Variants in MTFR2 observed in about 807,000 individuals in gnomAD.
MTFR2 encodes DUF729 domain-containing protein 1.
MTFR2 carries 44 observed loss-of-function variants against 41.2 expected under a neutral mutation model. That is an observed-to-expected ratio of 1.07 (90% CI 0.84 to 1.37). The LOEUF is 1.37. MTFR2 is among the 40% of genes most tolerant of loss of function. MTFR2 has a pLI of 0.00. For missense variants in MTFR2, 452 were observed against 459.5 expected, an observed-to-expected ratio of 0.98 and a Z score of 0.15; for synonymous variants, 141 against 154.6, an observed-to-expected ratio of 0.91 and a Z score of 0.65.
At position 136,233,646 on chromosome 6, in the gene MTFR2, C is replaced by T. The variant is rs192735715; in HGVS notation, c.870-147G>A. ...AATAATCTAATCTTCAAGAAATTTT[C>T]GCAATGAAATAAGGAAGGCACAATG... On this transcript the variant is annotated intron_variant, in intron 6 of 7. Coordinates refer to ENST00000420702, the MANE Select transcript of MTFR2 (RefSeq NM_001099286.3). 1.5e-4 allele frequency: 100 copies of T among 647,294 alleles called. 1 individual carries two copies. Among genetic ancestry groups the T allele is most frequent in the African/African-American group, 3.5e-4 (19 of 53,544 alleles). The allele number at this position is 647,294 out of a possible 1,614,324, so 40.1% of individuals were successfully genotyped here.
chr6:136,241,389 A>T, intron 5 of MTFR2, 55 bp downstream of exon 5: 1 of 1,438,744 alleles, frequency 7.0e-7, no homozygotes, highest in South Asian at 1.2e-5. Flanking sequence ...ACAGGTTGGT[A>T]TAGGCTATAC....
At chr6:136,240,038 C>T (rs1020226858) in intron 5 of MTFR2, among the ~76,000 whole-genome samples, 9 of 151,692 alleles carry the variant, frequency 5.9e-5, no homozygotes, top group African/African-American at 1.7e-4. Context: ...CAGTGTAGGT[C>T]CAAGAGCAGA....
chr6:136,239,111 C>A (rs951312420), intron 6 of MTFR2, among the ~76,000 whole-genome samples: 2 of 152,142 alleles, frequency 1.3e-5, no homozygotes, highest in African/African-American at 4.8e-5. Flanking sequence ...ATTCTGAATA[C>A]TCATTTAACT....
chr6:136,239,741 T>G lies in MTFR2; in HGVS notation c.594A>C (p.Pro198=), dbSNP rs2128457985. The G allele has an allele frequency of 6.2e-7, 1 of 1,614,072 alleles. No homozygotes were observed. Among genetic ancestry groups the G allele is most frequent in the East Asian group, 2.2e-5 (1 of 44,876 alleles). Residue 198 remains proline (P), a synonymous_variant, in exon 6 of 8, where the codon CCA becomes CCC. Coordinates refer to ENST00000420702, the MANE Select transcript of MTFR2 (RefSeq NM_001099286.3). ...SSRAAHLSVD[P]DQLPGSVLSP... ...AAAGCACTGAACCTGGAAGCTGATCTGGGTCCACACTCAGATGGGCAGCCC... is the reference window on the plus strand; with the variant it reads ...AAAGCACTGAACCTGGAAGCTGATCGGGGTCCACACTCAGATGGGCAGCCC...
intron 1 of MTFR2, among the ~76,000 whole-genome samples, chr6:136,249,394 T>C (rs923584552): frequency 2.6e-5 from 4 of 152,184 alleles, no homozygotes; most frequent in African/African-American, 9.7e-5. Context: ...GCCTAGTTAA[T>C]AGAGACCAAT....
intron 2 of MTFR2, among the ~76,000 whole-genome samples, chr6:136,247,732 A>G (rs1780251127): frequency 6.6e-6 from 1 of 152,202 alleles, no homozygotes; most frequent in South Asian, 2.1e-4. Context: ...GAAATTCTTA[A>G]GGTCACCAAT....
At chr6:136,247,609 G>A in intron 2 of MTFR2, 1 of 442,702 alleles carries the variant, frequency 2.3e-6, no homozygotes, top group Non-Finnish European at 4.5e-6. Flanking sequence ...TCAGGCTGAT[G>A]GCCTCTCTCA....
At position 136,245,817 on chromosome 6, in the gene MTFR2, G is replaced by A. The variant is rs117202491; in HGVS notation, c.64-948C>T. Among the ~76,000 whole-genome samples, 1,216 of 152,230 alleles carry A rather than the reference G, an allele frequency of 8.0e-3. 9 individuals are homozygous for A. The highest frequency in any genetic ancestry group is 0.013 in the Non-Finnish European group (903 of 68,006). On this transcript the variant is annotated intron_variant, in intron 2 of 7. Coordinates refer to ENST00000420702, the MANE Select transcript of MTFR2 (RefSeq NM_001099286.3). The stretch of plus-strand genomic sequence containing the variant: ...TTCAGGTTTTGAGTGATGCTCAACC[G>A]ATAATATTTTTAAATTGCTAAGATT...
At chr6:136,237,352 GA>G (rs1180255158) in intron 6 of MTFR2, among the ~76,000 whole-genome samples, 1 of 152,046 alleles carries the variant, frequency 6.6e-6, no homozygotes, top group Admixed American at 6.5e-5. Flanking sequence ...TAAAGATAGA[GA>G]TCAAAGCTAA....
chr6:136,249,835 A>T (rs1780317396), intron 1 of MTFR2, 141 bp downstream of exon 1: 1 of 152,084 alleles, frequency 6.6e-6, no homozygotes, highest in Non-Finnish European at 1.5e-5. Flanking sequence ...CTCTTTTAAA[A>T]TGAGAAGCAT....
chr6:136,233,214 T>C, intron 7 of MTFR2, 111 bp downstream of exon 7: 1 of 844,112 alleles, frequency 1.2e-6, no homozygotes, highest in Non-Finnish European at 1.8e-6. Context: ...AATAAACAAT[T>C]ATATAGCCCA....
chr6:136,237,382 C>T (rs1206792553), intron 6 of MTFR2, among the ~76,000 whole-genome samples: 1 of 152,090 alleles, frequency 6.6e-6, no homozygotes, highest in Non-Finnish European at 1.5e-5. Context: ...AAGAAACTCA[C>T]AAAAAATACA....
chr6:136,239,727 C>T lies in MTFR2; in HGVS notation c.608G>A (p.Gly203Asp). 2 of 1,614,030 alleles carry T rather than the reference C, an allele frequency of 1.2e-6. No homozygotes were observed. The highest frequency in any genetic ancestry group is 1.7e-6 in the Non-Finnish European group (2 of 1,179,990). Residue 203 changes from glycine to aspartate, a missense_variant, in exon 6 of 8, where the codon GGT becomes GAT. By Grantham distance (94) the Gly-to-Asp change is moderately conservative. Transcript: ENST00000420702. ...HLSVDPDQLPGSVLSPPPPPP... is the reference protein window; with the variant it reads ...HLSVDPDQLPDSVLSPPPPPP... ...AGGAGGAGGAGGAGAAAGCACTGAA[C>T]CTGGAAGCTGATCTGGGTCCACACT...
At chr6:136,234,847 G>A (rs1779862442) in intron 6 of MTFR2, among the ~76,000 whole-genome samples, 1 of 152,192 alleles carries the variant, frequency 6.6e-6, no homozygotes, top group African/African-American at 2.4e-5. Flanking sequence ...TGTGCTGATG[G>A]GAACGGTGGG....
At chr6:136,231,669 TAAAA>T (rs71006791) in intron 7 of MTFR2, among the ~76,000 whole-genome samples, 28 of 82,932 alleles carry the variant, frequency 3.4e-4, no homozygotes, top group African/African-American at 1.3e-3. Flanking sequence ...AAAAACTATG[TAAAA>T]AAAAAAAAAA....
At chr6:136,234,361 A>G (rs1779850151) in intron 6 of MTFR2, among the ~76,000 whole-genome samples, 1 of 151,766 alleles carries the variant, frequency 6.6e-6, no homozygotes, top group African/African-American at 2.4e-5. Context: ...TGTAATAGTG[A>G]TTAGGGACAG....
chr6:136,242,100 A>AC (rs2128458635), intron 4 of MTFR2, among the ~76,000 whole-genome samples: 1 of 150,658 alleles, frequency 6.6e-6, no homozygotes, highest in East Asian at 1.9e-4. Flanking sequence ...AAAAAAAAAA[A>AC]AAAAAAAACC....
At chr6:136,240,888 G>T (rs7752996) in intron 5 of MTFR2, among the ~76,000 whole-genome samples, 1 of 141,336 alleles carries the variant, frequency 7.1e-6, no homozygotes, top group Non-Finnish European at 1.5e-5. Context: ...TCAGGAGATC[G>T]AGACCATCCT....
rs1298042907 is a variant in MTFR2, at chr6:136,233,349, T to G, written c.1020A>C (p.Pro340=). Residue 340 remains proline, a synonymous_variant, in exon 7 of 8, where the codon CCA becomes CCC. Transcript: ENST00000420702. Reference sequence around the variant, plus strand: ...CCCTTGAAGTTTCTGGACTAGAAAATGGGGAAGATTCCCAAGATCTATTCT... The same window carrying G: ...CCCTTGAAGTTTCTGGACTAGAAAAGGGGGAAGATTCCCAAGATCTATTCT... ...EKENRSWESS[P]FSSPETSRFG... 6.2e-7 allele frequency: 1 copy of G among 1,612,970 alleles called. No homozygotes were observed. The highest frequency in any genetic ancestry group is 1.7e-5 in the Admixed American group (1 of 60,004).
Sources: allele counts gnomAD v4.1 joint callset (sites outside exome capture counted in the v4.1 genomes callset), GRCh38; gene constraint gnomAD v4.1.1; transcripts MANE v1.5; gene names NCBI Gene and HGNC (gene_info 2026-07-23, HGNC 2026-07-21).